Variants in BACE2 observed in about 807,000 individuals in gnomAD.
The protein encoded by BACE2 is 56 kDa aspartic-like protease.
A neutral mutation model predicts 46.2 loss-of-function variants in BACE2; 17 were observed. The ratio of observed to expected loss-of-function variants is 0.37; its 90% confidence interval spans 0.25 to 0.55. The LOEUF is 0.55. Ranked by LOEUF, BACE2 falls within the 20% of genes least tolerant of loss-of-function variation. BACE2 has a pLI of 0.82. For synonymous variants in BACE2, 277 were observed against 295.9 expected (o/e 0.94, Z 0.66); for missense variants, 595 against 698.1 (o/e 0.85, Z 1.66).
At chr21:41,214,672 A>G (rs981799184) in intron 1 of BACE2, among the ~76,000 whole-genome samples, 1 of 152,220 alleles carries the variant, frequency 6.6e-6, no homozygotes, top group Non-Finnish European at 1.5e-5. Flanking sequence ...CCTTCACTGC[A>G]TGAACGTCTC....
chr21:41,273,966 G>A (rs1568896290), intron 8 of BACE2, among the ~76,000 whole-genome samples: 1 of 152,234 alleles, frequency 6.6e-6, no homozygotes, highest in East Asian at 1.9e-4. Context: ...AATCTCCAAG[G>A]TGATGATATT....
intron 7 of BACE2, among the ~76,000 whole-genome samples, chr21:41,251,801 GA>G (rs1203377154): frequency 1.3e-5 from 2 of 149,898 alleles, no homozygotes; most frequent in East Asian, 1.9e-4. Context: ...CTCTGTCTCA[GA>G]AAAAAAACAA....
chr21:41,180,737 T>C (rs1193308374), intron 1 of BACE2: 2 of 167,154 alleles, frequency 1.2e-5, no homozygotes, highest in African/African-American at 4.8e-5. Flanking sequence ...TGGTTATATC[T>C]ATGTAACTAG....
At chr21:41,229,160 A>T (rs1396011397) in intron 2 of BACE2, among the ~76,000 whole-genome samples, 1 of 152,206 alleles carries the variant, frequency 6.6e-6, no homozygotes, top group Admixed American at 6.5e-5. Flanking sequence ...ATAGTCCCTG[A>T]TAGTCCCAGC....
chr21:41,225,051 G>A (rs544440354), intron 1 of BACE2, among the ~76,000 whole-genome samples: 2 of 152,050 alleles, frequency 1.3e-5, no homozygotes, highest in East Asian at 1.9e-4. Context: ...TGGCTAACAC[G>A]GTGAAACCCC....
At chr21:41,186,786 A>G (rs1358141441) in intron 1 of BACE2, 2 of 152,254 alleles carry the variant, frequency 1.3e-5, no homozygotes, top group Non-Finnish European at 2.9e-5. Context: ...TGCCCTGAGT[A>G]GCAGCTCAGA....
intron 1 of BACE2, chr21:41,179,540 G>T (rs761410668): frequency 7.3e-7 from 1 of 1,365,048 alleles, no homozygotes; most frequent in Non-Finnish European, 9.8e-7. Flanking sequence ...GAGGAGTGAG[G>T]GTGTCAGGGT....
At chr21:41,222,347 G>A (rs1432728576) in intron 1 of BACE2, among the ~76,000 whole-genome samples, 2 of 152,222 alleles carry the variant, frequency 1.3e-5, no homozygotes, top group African/African-American at 4.8e-5. Context: ...CTCCCAAAGG[G>A]CCAGCCAGGG....
intron 2 of BACE2, 76 bp downstream of exon 2, chr21:41,226,430 A>G (rs1986821171): frequency 7.6e-7 from 1 of 1,320,348 alleles, no homozygotes; most frequent in Non-Finnish European, 1.1e-6. Context: ...GCACCAGAGC[A>G]TGACAGCCAG....
At chr21:41,183,932 G>C (rs1248912103) in intron 1 of BACE2, 1 of 167,076 alleles carries the variant, frequency 6.0e-6, no homozygotes, top group Non-Finnish European at 1.5e-5. Context: ...CATCCCAGAT[G>C]CTAATTTTGT....
chr21:41,233,974 G>A (rs1987038394), intron 2 of BACE2, among the ~76,000 whole-genome samples: 1 of 152,084 alleles, frequency 6.6e-6, no homozygotes, highest in African/African-American at 2.4e-5. Context: ...AACAACAAAC[G>A]ATTACTCTAC....
chr21:41,241,836 G>A lies in BACE2; in HGVS notation c.636G>A (p.Glu212=). 6.2e-7 allele frequency: 1 copy of A among 1,614,186 alleles called. No individual in the cohort carries two copies. The highest frequency in any genetic ancestry group is 8.5e-7 in the Non-Finnish European group (1 of 1,180,032). The change falls in exon 4 of 9, where the codon GAG becomes GAA. Residue 212 remains glutamate (E), a synonymous_variant. Transcript: ENST00000330333. ...TCCCGCAGCCATCAAGTTCTCTGGA[G>A]ACCTTCTTCGACTCCCTGGTGACAC... is the stretch of plus-strand genomic sequence containing the variant. ...ATLAKPSSSL[E]TFFDSLVTQA... is the part of the protein sequence containing the mutation.
chr21:41,257,032 T>C, intron 7 of BACE2, 126 bp from the exon 8 acceptor site: 1 of 992,856 alleles, frequency 1.0e-6, no homozygotes, highest in Non-Finnish European at 1.5e-6. Flanking sequence ...AGATCATCTT[T>C]CTTCTCCCGT....
At chr21:41,224,134 C>G (rs946359550) in intron 1 of BACE2, among the ~76,000 whole-genome samples, 1 of 151,448 alleles carries the variant, frequency 6.6e-6, no homozygotes, top group Admixed American at 6.6e-5. Flanking sequence ...CTGGTCCCAG[C>G]TAAACTGAGG....
rs533273068 is a variant in BACE2, at chr21:41,219,596, G to T, written c.313-6670G>T. ...TAAGAGCAGAAAAAGAGAGAACCCTGTCCTTCAGGAATATCTGGTTCAACC... is the reference window on the plus strand; with the variant it reads ...TAAGAGCAGAAAAAGAGAGAACCCTTTCCTTCAGGAATATCTGGTTCAACC... On this transcript the variant is annotated intron_variant, in intron 1 of 8. Transcript: ENST00000330333. Among the ~76,000 whole-genome samples the T allele has an allele frequency of 2.0e-5, 3 of 152,294 alleles. No individual in the cohort carries two copies. The East Asian group carries it at 5.8e-4, about 29-fold the overall frequency.
intron 1 of BACE2, among the ~76,000 whole-genome samples, chr21:41,213,216 G>A (rs1009775436): frequency 1.3e-5 from 2 of 152,100 alleles, no homozygotes; most frequent in Non-Finnish European, 1.5e-5. Context: ...AAAGGAAACC[G>A]GGAAACATTA....
At chr21:41,259,520 A>G (rs368679408) in intron 8 of BACE2, among the ~76,000 whole-genome samples, 23 of 151,886 alleles carry the variant, frequency 1.5e-4, no homozygotes, top group African/African-American at 4.8e-4. Flanking sequence ...AAAATCATAT[A>G]CTATGTGTGC....
At position 41,241,781 on chromosome 21, in the gene BACE2, G is replaced by A. The variant is rs746993836; in HGVS notation, c.619-38G>A. 4 of 1,612,584 alleles carry A rather than the reference G, an allele frequency of 2.5e-6. No individual in the cohort carries two copies. In the East Asian group the frequency reaches 6.7e-5, roughly 27 times the overall value. ...TGGGTGACCCATGTCTACACTGTGA[G>A]TCCTAAGCGGGTGCCCCTCTCTGTC... On this transcript the variant is annotated intron_variant, in intron 3 of 8. Coordinates refer to ENST00000330333, the MANE Select transcript of BACE2 (RefSeq NM_012105.5).
chr21:41,216,928 C>T (rs900329761), intron 1 of BACE2, among the ~76,000 whole-genome samples: 1 of 151,986 alleles, frequency 6.6e-6, no homozygotes, highest in Non-Finnish European at 1.5e-5. Context: ...TGTAGCTGTT[C>T]TTTTTTTGTT....
Sources: gnomAD v4.1 joint callset for allele counts (sites outside exome capture counted in the v4.1 genomes callset) on GRCh38, gnomAD v4.1.1 for gene constraint, MANE v1.5 for transcripts, NCBI Gene and HGNC (gene_info 2026-07-23, HGNC 2026-07-21) for gene names.